Variants in MAP2K5 observed in about 807,000 individuals in gnomAD.
MAP2K5 encodes dual specificity mitogen-activated protein kinase kinase 5.
A neutral mutation model predicts 83.1 loss-of-function variants in MAP2K5; 49 were observed. That is an observed-to-expected ratio of 0.59 (90% CI 0.47 to 0.75). MAP2K5 has a LOEUF of 0.75. MAP2K5 is among the 30% of genes least tolerant of loss of function. The probability of loss-of-function intolerance (pLI) is 0.00; values close to 1 mark genes in which losing one functional copy is unlikely to be tolerated. For synonymous variants in MAP2K5, 202 were observed against 191.8 expected, an observed-to-expected ratio of 1.05 and a Z score of -0.44; for missense variants, 457 against 557.5, an observed-to-expected ratio of 0.82 and a Z score of 1.82.
At chr15:67,682,915 G>A (rs1269169919) in intron 13 of MAP2K5, among the ~76,000 whole-genome samples, 1 of 151,266 alleles carries the variant, frequency 6.6e-6, no homozygotes, top group African/African-American at 2.4e-5. Context: ...TGAGGCAGGT[G>A]GATCACCTGA....
At chr15:67,629,370 A>G (rs2086408710) in intron 8 of MAP2K5, among the ~76,000 whole-genome samples, 1 of 143,364 alleles carries the variant, frequency 7.0e-6, no homozygotes, top group African/African-American at 2.6e-5. Flanking sequence ...AGTTTAAAGC[A>G]TTCCAACAAA....
rs896233021 is a variant in MAP2K5 at position 67,717,462 on chromosome 15, G to C, written c.1045-10454G>C. On this transcript the variant is annotated intron_variant, in intron 16 of 21. Transcript: ENST00000178640. This position sits in a 1 kb window ranked among gnomAD's most constrained non-coding sequence, Gnocchi z 4.1. ...TGACTCCTTGACTAATAGGTAGAAA[G>C]AAAAGTAAAAGTGCAATGGAAACAT... Among the ~76,000 whole-genome samples, 1 of 152,212 alleles carries C rather than the reference G, an allele frequency of 6.6e-6. No individual in the cohort carries two copies. Among genetic ancestry groups the C allele is most frequent in the African/African-American group, 2.4e-5 (1 of 41,446 alleles).
chr15:67,806,869 C>T lies in MAP2K5; in HGVS notation c.*119C>T. 6.3e-7 allele frequency: 1 copy of T among 1,595,150 alleles called. No individual in the cohort carries two copies. The highest frequency in any genetic ancestry group is 1.7e-5 in the Admixed American group (1 of 59,864). On this transcript the variant is annotated 3_prime_UTR_variant, in exon 22 of 22. Coordinates refer to ENST00000178640, the MANE Select transcript of MAP2K5 (RefSeq NM_145160.3). ...TTTGCTGGGCCCTGGCTTCCCTGCC[C>T]TCGCCTTCACCTCTGTCAGCAGGTG...
Position 67,562,718 on chromosome 15 carries a change from T to C in MAP2K5, c.185-565T>C, listed in dbSNP as rs1436122279. ...AAGTTAACCTTGCACTAGGCCTAGGTTCTCCTGTGGAAAGAGAATAATAAT... is the reference window on the plus strand; with the variant it reads ...AAGTTAACCTTGCACTAGGCCTAGGCTCTCCTGTGGAAAGAGAATAATAAT... On this transcript the variant is annotated intron_variant, in intron 2 of 21. Coordinates refer to ENST00000178640, the MANE Select transcript of MAP2K5 (RefSeq NM_145160.3). This position sits in a 1 kb window ranked among gnomAD's most constrained non-coding sequence, Gnocchi z 4.1. Among the ~76,000 whole-genome samples, 1 of 152,156 alleles carries C rather than the reference T, an allele frequency of 6.6e-6. No individual in the cohort carries two copies. Among genetic ancestry groups the C allele is most frequent in the Non-Finnish European group, 1.5e-5 (1 of 68,034 alleles).
chr15:67,752,610 G>A (rs966811854), intron 19 of MAP2K5, among the ~76,000 whole-genome samples: 3 of 151,522 alleles, frequency 2.0e-5, no homozygotes, highest in Non-Finnish European at 2.9e-5. Flanking sequence ...CCCAGGAGGT[G>A]GAGGTTGCAG....
At chr15:67,751,401 T>G (rs910171613) in intron 19 of MAP2K5, among the ~76,000 whole-genome samples, 1 of 152,166 alleles carries the variant, frequency 6.6e-6, no homozygotes, top group Non-Finnish European at 1.5e-5. Flanking sequence ...GCCTCAGAGT[T>G]GCTTCTCAAC....
intron 8 of MAP2K5, among the ~76,000 whole-genome samples, chr15:67,615,690 A>T (rs201325124): frequency 7.2e-5 from 11 of 152,200 alleles, no homozygotes; most frequent in Middle Eastern, 3.4e-3. Context: ...ATTTAAATTT[A>T]TTTAATTTAA....
Position 67,572,912 on chromosome 15 carries a change from G to T in MAP2K5, c.253-7842G>T, listed in dbSNP as rs532596998. On this transcript the variant is annotated intron_variant, in intron 3 of 21. Transcript: ENST00000178640. This position sits in a 1 kb window ranked among gnomAD's most constrained non-coding sequence, Gnocchi z 4.2. ...CGGGTTTTCACGTATTGGCCAGGCT[G>T]GTCTCAAACTCCTGACCTTGTGATC... Among the ~76,000 whole-genome samples, 28 of 152,154 alleles carry T rather than the reference G, an allele frequency of 1.8e-4. No individual in the cohort carries two copies. Among genetic ancestry groups the T allele is most frequent in the African/African-American group, 6.7e-4 (28 of 41,502 alleles).
At chr15:67,675,702 A>G (rs779629809) in intron 13 of MAP2K5, among the ~76,000 whole-genome samples, 10 of 152,202 alleles carry the variant, frequency 6.6e-5, no homozygotes, top group Non-Finnish European at 1.3e-4. Flanking sequence ...AATGTAAACA[A>G]CAAAAAAAGA....
At chr15:67,703,704 C>G (rs1056188154) in intron 16 of MAP2K5, among the ~76,000 whole-genome samples, 2 of 152,168 alleles carry the variant, frequency 1.3e-5, no homozygotes, top group African/African-American at 4.8e-5. Flanking sequence ...CTCTAAGAAT[C>G]TGCATTGTTA....
Position 67,641,628 on chromosome 15 carries a change from G to T in MAP2K5, c.586-4603G>T, listed in dbSNP as rs534508110. 56 of 991,414 alleles carry T rather than the reference G, an allele frequency of 5.6e-5. No individual in the cohort carries two copies. The African/African-American group carries it at 8.9e-4, about 16-fold the overall frequency. 61.4% of individuals were successfully genotyped at this position (991,414 alleles called of 1,614,324 possible). On this transcript the variant is annotated intron_variant, in intron 9 of 21. Transcript: ENST00000178640. ...CAACTCATCCTTATTTGTCCTGGAG[G>T]TGTAGTGGAGAGCAGTGGAAATGCA...
rs767692706 is a variant in MAP2K5 at position 67,755,621 on chromosome 15, G to T, written c.1134+7020G>T. On this transcript the variant is annotated intron_variant, in intron 19 of 21. Coordinates refer to ENST00000178640, the MANE Select transcript of MAP2K5 (RefSeq NM_145160.3). The surrounding 1 kb of genome is among the most constrained non-coding windows in gnomAD (Gnocchi z 4.7). ...CTTGTGAGTCCAGATGTTTGGTGGGGTAGATGATTGTCCCTATTCATAATG... is the reference window on the plus strand; with the variant it reads ...CTTGTGAGTCCAGATGTTTGGTGGGTTAGATGATTGTCCCTATTCATAATG... Among the ~76,000 whole-genome samples the T allele has an allele frequency of 6.6e-5, 10 of 152,166 alleles. No individual in the cohort carries two copies. The highest frequency in any genetic ancestry group is 1.3e-4 in the Non-Finnish European group (9 of 68,040).
chr15:67,570,964 C>T (rs1188521498), intron 3 of MAP2K5, among the ~76,000 whole-genome samples: 2 of 152,164 alleles, frequency 1.3e-5, no homozygotes, highest in Non-Finnish European at 2.9e-5. Context: ...AGAAACTCTC[C>T]TGTTACAGAT....
chr15:67,609,958 G>A (rs892389265), intron 8 of MAP2K5, among the ~76,000 whole-genome samples: 6 of 151,846 alleles, frequency 4.0e-5, no homozygotes, highest in Admixed American at 1.3e-4. Flanking sequence ...GATCATGCTG[G>A]GTCTTTTAGT....
intron 12 of MAP2K5, among the ~76,000 whole-genome samples, chr15:67,659,577 A>G (rs2087182917): frequency 6.6e-6 from 1 of 152,060 alleles, no homozygotes; most frequent in Non-Finnish European, 1.5e-5. Flanking sequence ...GTAGATTAGT[A>G]TGAAATTTGA....
chr15:67,737,779 A>G (rs905763019), intron 17 of MAP2K5, among the ~76,000 whole-genome samples: 4 of 151,416 alleles, frequency 2.6e-5, no homozygotes, highest in Admixed American at 6.6e-5. Context: ...GGCTGCACCC[A>G]TCAATGTCTG....
At chr15:67,621,061 T>C (rs2086172259) in intron 8 of MAP2K5, among the ~76,000 whole-genome samples, 1 of 44,722 alleles carries the variant, frequency 2.2e-5, no homozygotes, top group African/African-American at 4.4e-5. Flanking sequence ...TGGGAGAAAA[T>C]TTAAAATACC....
rs1029556797 is a variant in MAP2K5 at position 67,577,090 on chromosome 15, C to T, written c.253-3664C>T. 4.8e-5 allele frequency among the ~76,000 whole-genome samples: 7 copies of T among 147,226 alleles called. No homozygotes were observed. The highest frequency in any genetic ancestry group is 6.0e-5 in the Non-Finnish European group (4 of 66,426). On this transcript the variant is annotated intron_variant, in intron 3 of 21. Transcript: ENST00000178640. The surrounding 1 kb of genome is among the most constrained non-coding windows in gnomAD (Gnocchi z 4.1). Reference sequence around the variant, plus strand: ...AGCTGGGACTACAGGCGCCCGCCACCGTGCCCGGCTAATTTTTTGTATTTT... The same window carrying T: ...AGCTGGGACTACAGGCGCCCGCCACTGTGCCCGGCTAATTTTTTGTATTTT...
chr15:67,575,379 G>T (rs1429292172), intron 3 of MAP2K5, among the ~76,000 whole-genome samples: 1 of 151,966 alleles, frequency 6.6e-6, no homozygotes, highest in Non-Finnish European at 1.5e-5. Flanking sequence ...GGGCGGGGGA[G>T]GGCAGTGGGG....
Sources: gnomAD v4.1 joint callset for allele counts (sites outside exome capture counted in the v4.1 genomes callset) on GRCh38, gnomAD v4.1.1 for gene constraint, Gnocchi (gnomAD v3.1) non-coding constraint, MANE v1.5 for transcripts, NCBI Gene and HGNC (gene_info 2026-07-23, HGNC 2026-07-21) for gene names.